The following TMOD2 variants were observed in gnomAD, a reference collection of about 807,000 sequenced individuals.
TMOD2 encodes tropomodulin 2.
Under a neutral mutation model 39.9 loss-of-function variants are expected in TMOD2, and 22 were observed. The observed-to-expected ratio is 0.55, with a 90% CI of 0.39 to 0.79. The LOEUF is 0.79. Among genes scored for constraint, TMOD2 ranks in the 30% least tolerant of loss-of-function variants. TMOD2 has a pLI of 0.00. For synonymous variants in TMOD2, 123 were observed against 146.1 expected, an observed-to-expected ratio of 0.84 and a Z score of 1.14; for missense variants, 386 against 413.3, an observed-to-expected ratio of 0.93 and a Z score of 0.57.
At chr15:51,794,093 G>A (rs544010227) in intron 7 of TMOD2, among the ~76,000 whole-genome samples, 72 of 152,314 alleles carry the variant, frequency 4.7e-4, no homozygotes, top group African/African-American at 1.6e-3. Context: ...CCCTCCAGGG[G>A]ACAATAGGCA....
rs1317802926 is a variant in TMOD2 at position 51,751,864 on chromosome 15, C to CCGCCTCT, written c.-70+166_-70+172dup. On this transcript the variant is annotated intron_variant, in intron 1 of 9. Coordinates refer to ENST00000249700, the MANE Select transcript of TMOD2 (RefSeq NM_014548.4). ...GGCCGGGCGGGCGTGCAGAGCCGGGCCGCCTCTCGCCTCTCGCCTCCCGGC... is the reference window on the plus strand; with the variant it reads ...GGCCGGGCGGGCGTGCAGAGCCGGGCCGCCTCTCGCCTCTCGCCTCTCGCCTCCCGGC... Among the ~76,000 whole-genome samples, 5 of 150,164 alleles carry CCGCCTCT rather than the reference C, an allele frequency of 3.3e-5. No individual in the cohort carries two copies. The East Asian group carries it at 6.0e-4, about 18-fold the overall frequency.
chr15:51,796,721 C>T (rs1211761186), intron 7 of TMOD2, among the ~76,000 whole-genome samples: 1 of 152,162 alleles, frequency 6.6e-6, no homozygotes, highest in Non-Finnish European at 1.5e-5. Flanking sequence ...TATGGTCTCT[C>T]TCAAATATCT....
chr15:51,753,991 C>T (rs2055725297), intron 1 of TMOD2, among the ~76,000 whole-genome samples: 1 of 151,836 alleles, frequency 6.6e-6, no homozygotes, highest in Admixed American at 6.6e-5. Flanking sequence ...TGCAGTGAAT[C>T]TGTGGGGAAT....
Position 51,809,137 on chromosome 15 carries a change from A to G in TMOD2, c.*683A>G, listed in dbSNP as rs1421165145. The G allele has an allele frequency of 6.5e-6, 1 of 152,688 alleles. No individual in the cohort carries two copies. The highest frequency in any genetic ancestry group is 1.5e-5 in the Non-Finnish European group (1 of 68,054). 9.5% of individuals were successfully genotyped at this position (152,688 alleles called of 1,614,324 possible). On this transcript the variant is annotated 3_prime_UTR_variant, in exon 10 of 10. Transcript: ENST00000249700. ...AGACTCACAGGTAGCAAAATGAATTACACACCTACTTTTACTGACTATTCA... is the reference window on the plus strand; with the variant it reads ...AGACTCACAGGTAGCAAAATGAATTGCACACCTACTTTTACTGACTATTCA...
At chr15:51,801,235 TCTCACACACACA>T (rs1157859041) in intron 8 of TMOD2, among the ~76,000 whole-genome samples, 1,745 of 108,934 alleles carry the variant, frequency 0.016, 35 homozygotes, top group Middle Eastern at 0.075. Flanking sequence ...TCTCTCTCTC[TCTCACACACACA>T]CACACACACA....
intron 1 of TMOD2, among the ~76,000 whole-genome samples, chr15:51,765,611 AG>A (rs1351688482): frequency 6.6e-6 from 1 of 152,192 alleles, no homozygotes; most frequent in East Asian, 1.9e-4. Context: ...GCAAGGAGAA[AG>A]GGATTGAGTA....
intron 8 of TMOD2, among the ~76,000 whole-genome samples, chr15:51,800,502 C>T (rs1005900070): frequency 3.3e-5 from 5 of 152,106 alleles, no homozygotes; most frequent in Non-Finnish European, 7.4e-5. Context: ...TGCCACTGCA[C>T]TCCAGCCTGG....
chr15:51,754,732 A>G (rs1039541430), intron 1 of TMOD2, among the ~76,000 whole-genome samples: 1 of 152,234 alleles, frequency 6.6e-6, no homozygotes, highest in Non-Finnish European at 1.5e-5. Flanking sequence ...ACAAAGCTGG[A>G]CAAGTTGGTT....
intron 7 of TMOD2, among the ~76,000 whole-genome samples, chr15:51,796,152 A>G (rs1331678135): frequency 1.3e-5 from 2 of 152,016 alleles, no homozygotes; most frequent in Non-Finnish European, 2.9e-5. Flanking sequence ...AGTTGTATCT[A>G]TCTGTTTTAC....
intron 7 of TMOD2, among the ~76,000 whole-genome samples, chr15:51,785,498 G>T (rs1167265876): frequency 6.7e-6 from 1 of 149,014 alleles, no homozygotes; most frequent in Non-Finnish European, 1.5e-5. Context: ...CCATAAAAAA[G>T]AATGAAATCC....
At chr15:51,763,731 A>T (rs959987154) in intron 1 of TMOD2, among the ~76,000 whole-genome samples, 8 of 151,974 alleles carry the variant, frequency 5.3e-5, no homozygotes, top group Non-Finnish European at 2.9e-5. Flanking sequence ...CTTTACATCC[A>T]CTCTGCTAGT....
intron 3 of TMOD2, among the ~76,000 whole-genome samples, chr15:51,770,672 G>T (rs958755748): frequency 2.6e-5 from 4 of 152,110 alleles, no homozygotes; most frequent in African/African-American, 4.8e-5. Flanking sequence ...ACATGCAATG[G>T]CTCACACCTG....
intron 2 of TMOD2, 106 bp from the exon 3 acceptor site, chr15:51,768,156 T>C (rs1161129898): frequency 7.6e-7 from 1 of 1,322,284 alleles, no homozygotes; most frequent in South Asian, 1.3e-5. Context: ...TCTGCGTAGG[T>C]ATCCTTCCTG....
At chr15:51,757,165 G>A (rs1251545476) in intron 1 of TMOD2, among the ~76,000 whole-genome samples, 1 of 152,212 alleles carries the variant, frequency 6.6e-6, no homozygotes, top group African/African-American at 2.4e-5. Flanking sequence ...ACTTTGGGAT[G>A]CCAAGGCAGG....
rs1364798702 is a variant in TMOD2 at position 51,809,795 on chromosome 15, T to C, written c.*1341T>C. Reference sequence around the variant, plus strand: ...TCCTCTTTTCTCTGTAATTTGTTACTAAACAAATTCCAGAATTTGTTTAGT... The same window carrying C: ...TCCTCTTTTCTCTGTAATTTGTTACCAAACAAATTCCAGAATTTGTTTAGT... On this transcript the variant is annotated 3_prime_UTR_variant, in exon 10 of 10. Coordinates refer to ENST00000249700, the MANE Select transcript of TMOD2 (RefSeq NM_014548.4). The C allele has an allele frequency of 6.6e-6, 1 of 152,182 alleles. No individual in the cohort carries two copies. Among genetic ancestry groups the C allele is most frequent in the Admixed American group, 6.6e-5 (1 of 15,266 alleles). 9.4% of individuals were successfully genotyped at this position (152,182 alleles called of 1,614,324 possible).
At chr15:51,780,982 A>C (rs2055925624) in intron 5 of TMOD2, 62 bp from the exon 6 acceptor site, 1 of 1,408,136 alleles carries the variant, frequency 7.1e-7, no homozygotes, top group East Asian at 2.3e-5. Flanking sequence ...TTTTTTGGGA[A>C]GTCACCACTG....
intron 7 of TMOD2, chr15:51,783,771 A>ATAGATAGG (rs1555462152): frequency 1.3e-5 from 2 of 151,514 alleles, no homozygotes; most frequent in African/African-American, 4.9e-5. Context: ...AGATAGATAG[A>ATAGATAGG]TAGATAGATA....
intron 1 of TMOD2, among the ~76,000 whole-genome samples, chr15:51,765,085 C>G (rs1295936364): frequency 6.6e-6 from 1 of 152,130 alleles, no homozygotes; most frequent in Non-Finnish European, 1.5e-5. Context: ...ACTGCAACCT[C>G]TGCCTCCCGG....
In TMOD2 at chr15:51,765,517, C is replaced by G. The variant is rs139304654; in HGVS notation, c.-69-856C>G. On this transcript the variant is annotated intron_variant, in intron 1 of 9. Coordinates refer to ENST00000249700, the MANE Select transcript of TMOD2 (RefSeq NM_014548.4). ...AAAGATGTGATTGGTGGTAATACCT[C>G]CTAAGGAGAAACACAGTCAGTGAAG... Among the ~76,000 whole-genome samples, 69 of 152,224 alleles carry G rather than the reference C, an allele frequency of 4.5e-4. 1 individual carries two copies. The East Asian group carries it at 0.013, about 29-fold the overall frequency.
Sources: gnomAD v4.1 joint callset for allele counts (sites outside exome capture counted in the v4.1 genomes callset) on GRCh38, gnomAD v4.1.1 for gene constraint, MANE v1.5 for transcripts, NCBI Gene and HGNC (gene_info 2026-07-23, HGNC 2026-07-21) for gene names.